HELQ: variants seen among roughly 807,000 people sequenced by gnomAD.
HELQ encodes helicase POLQ-like.
A neutral mutation model predicts 111.6 loss-of-function variants in HELQ; 77 were observed. The observed-to-expected ratio is 0.69, with a 90% confidence interval of 0.57 to 0.83. The LOEUF (loss-of-function observed/expected upper bound fraction) is 0.83, where lower values mean the gene tolerates loss of function less well. HELQ is among the 40% of genes least tolerant of loss of function. HELQ has a pLI of 0.00. For synonymous variants in HELQ, 438 were observed against 454.7 expected (o/e 0.96, Z 0.47); for missense variants, 1,200 against 1,288.5 (o/e 0.93, Z 1.05).
intron 3 of HELQ, 114 bp downstream of exon 3, chr4:83,448,669 C>CAAAAAA: frequency 1.5e-6 from 1 of 672,690 alleles, no homozygotes; most frequent in Non-Finnish European, 2.2e-6. Flanking sequence ...GACTCCATCT[C>CAAAAAA]AAAAAAAAAA....
Position 83,421,719 on chromosome 4 carries a change from A to C in HELQ, c.2793T>G (p.Val931=). Residue 931 remains valine, a synonymous_variant, in exon 15 of 18, where the codon GTT becomes GTG. Coordinates refer to ENST00000295488, the MANE Select transcript of HELQ (RefSeq NM_133636.5). ...CAAAAGACAGATATAGCCTGTTGACAACGTTCTTGTCCACCTTCTAGAAAG... is the reference window on the plus strand; with the variant it reads ...CAAAAGACAGATATAGCCTGTTGACCACGTTCTTGTCCACCTTCTAGAAAG... ...QAIGKKVDKN[V]VNRLYLSFVL... is the part of the protein sequence containing the mutation. 1.2e-6 allele frequency: 2 copies of C among 1,613,306 alleles called. No homozygotes were observed. The highest frequency in any genetic ancestry group is 1.7e-6 in the Non-Finnish European group (2 of 1,179,688).
intron 3 of HELQ, among the ~76,000 whole-genome samples, chr4:83,447,809 C>T (rs1341553268): frequency 2.0e-5 from 3 of 148,854 alleles, no homozygotes; most frequent in African/African-American, 7.5e-5. Context: ...TTGCAGTGAG[C>T]TGAGATCATG....
At chr4:83,454,580 AGAAAAAAAAATTTTTTTTTTTTTTT>A (rs1560563245) in intron 1 of HELQ, among the ~76,000 whole-genome samples, 2 of 149,744 alleles carry the variant, frequency 1.3e-5, no homozygotes, top group Non-Finnish European at 3.0e-5. Flanking sequence ...CGGCTAATTA[AGAAAAAAAAATTTTTTTTTTTTTTT>A]GTAGAGACTG....
At chr4:83,448,055 C>A (rs1378269801) in intron 3 of HELQ, among the ~76,000 whole-genome samples, 5 of 151,028 alleles carry the variant, frequency 3.3e-5, no homozygotes, top group Non-Finnish European at 7.4e-5. Flanking sequence ...ACTAAAAATA[C>A]AAAAATTAGC....
Position 83,446,082 on chromosome 4 carries a change from T to G in HELQ, c.1397A>C (p.His466Pro), listed in dbSNP as rs1721030106. ...SLGLVVVDELHMIGEGSRGAT... is the reference protein window; with the variant it reads ...SLGLVVVDELPMIGEGSRGAT... Reference sequence around the variant, plus strand: ...TCCACGGCTTCCTTCACCAATCATGTGCAACTTCGAGATTTTTTTTAAAAA... The same window carrying G: ...TCCACGGCTTCCTTCACCAATCATGGGCAACTTCGAGATTTTTTTTAAAAA... Residue 466 changes from histidine (H) to proline (P), a missense_variant, in exon 5 of 18, where the codon CAC becomes CCC. His to Pro is a moderately conservative substitution (Grantham distance 77, BLOSUM62 -2). This residue lies in a region of HELQ where 610 missense variants were observed against 607.1 expected (regional missense o/e 1.00). Coordinates refer to ENST00000295488, the MANE Select transcript of HELQ (RefSeq NM_133636.5). 2 of 1,612,436 alleles carry G rather than the reference T, an allele frequency of 1.2e-6. No homozygotes were observed. Among genetic ancestry groups the G allele is most frequent in the Non-Finnish European group, 1.7e-6 (2 of 1,178,752 alleles).
intron 12 of HELQ, 110 bp from the exon 13 acceptor site, chr4:83,427,830 C>T: frequency 1.5e-6 from 1 of 667,010 alleles, no homozygotes; most frequent in Non-Finnish European, 2.3e-6. Context: ...TCTTCAAAAT[C>T]TCTTATAACA....
At chr4:83,444,780 G>C (rs976162573) in intron 5 of HELQ, among the ~76,000 whole-genome samples, 2 of 152,106 alleles carry the variant, frequency 1.3e-5, no homozygotes, top group Non-Finnish European at 2.9e-5. Context: ...GTGGGCATGG[G>C]GTCAAATCAA....
At position 83,429,566 on chromosome 4, in the gene HELQ, ATTG is replaced by A. The variant is rs1297770748; in HGVS notation, c.2473_2475del (p.Gln825del). On this transcript the variant is annotated inframe_deletion, in exon 12 of 18. Transcript: ENST00000295488. ...CCCAACTTTGTAATATGAAAATTATATTGGACCTCTTCTTCAGACTTATAAATA... is the reference window on the plus strand; with the variant it reads ...CCCAACTTTGTAATATGAAAATTATAGACCTCTTCTTCAGACTTATAAATA... The A allele has an allele frequency of 2.8e-5, 45 of 1,611,778 alleles. No homozygotes were observed. Among genetic ancestry groups the A allele is most frequent in the Middle Eastern group, 1.8e-4 (1 of 5,410 alleles).
In HELQ at chr4:83,448,912, A is replaced by G. The variant is rs1721199712; in HGVS notation, c.1062T>C (p.Asn354=). 1 of 1,612,096 alleles carries G rather than the reference A, an allele frequency of 6.2e-7. No homozygotes were observed. The highest frequency in any genetic ancestry group is 8.5e-7 in the Non-Finnish European group (1 of 1,178,634). The part of the protein sequence containing the change: ...LTLNSVQERK[N]LIYSLPTSGG... ...CACTTGTTGGCAAGGAATATATTAA[A>G]TTTTTTCTTTCTTGCACAGAATTCA... The change falls in exon 3 of 18, where the codon AAT becomes AAC. Residue 354 remains asparagine (N), a synonymous_variant. Coordinates refer to ENST00000295488, the MANE Select transcript of HELQ (RefSeq NM_133636.5).
intron 14 of HELQ, among the ~76,000 whole-genome samples, chr4:83,424,529 A>G (rs1444968607): frequency 6.6e-6 from 1 of 152,132 alleles, no homozygotes; most frequent in Non-Finnish European, 1.5e-5. Context: ...CTGAGAAGCT[A>G]GGAGTACAGG....
chr4:83,426,171 C>T, intron 13 of HELQ, 79 bp from the exon 14 acceptor site: 1 of 739,454 alleles, frequency 1.4e-6, no homozygotes, highest in Non-Finnish European at 2.4e-6. Context: ...CTTTTGATAT[C>T]ACATTCTCAT....
intron 1 of HELQ, among the ~76,000 whole-genome samples, chr4:83,454,830 CCAGACTACAAT>C (rs1360895481): frequency 2.0e-5 from 3 of 152,108 alleles, no homozygotes; most frequent in African/African-American, 7.2e-5. Flanking sequence ...CGCTTCCCTC[CCAGACTACAAT>C]CTACAGTGAC....
chr4:83,429,563 T>C lies in HELQ; in HGVS notation c.2479A>G (p.Asn827Asp). ...IYKSEEEVQY[N>D]FHITKLGRAS... ...CGTCCCAACTTTGTAATATGAAAAT[T>C]ATATTGGACCTCTTCTTCAGACTTA... The change falls in exon 12 of 18, where the codon AAT becomes GAT. Residue 827 changes from asparagine to aspartate, a missense_variant. Asn to Asp is a conservative substitution (Grantham distance 23, BLOSUM62 1). Transcript: ENST00000295488. 6.2e-7 allele frequency: 1 copy of C among 1,611,368 alleles called. No individual in the cohort carries two copies. Among genetic ancestry groups the C allele is most frequent in the Non-Finnish European group, 8.5e-7 (1 of 1,178,720 alleles).
chr4:83,416,935 T>C (rs1255551711), intron 16 of HELQ, 70 bp from the exon 17 acceptor site: 1 of 1,393,548 alleles, frequency 7.2e-7, no homozygotes, highest in African/African-American at 1.5e-5. Context: ...AGCACTTTAC[T>C]GAAAAGAACA....
chr4:83,429,391 C>A (rs898937889), intron 12 of HELQ, 133 bp downstream of exon 12: 8 of 650,020 alleles, frequency 1.2e-5, no homozygotes, highest in Non-Finnish European at 2.1e-5. Flanking sequence ...TCAAGTGATC[C>A]GCTCCCCTTG....
chr4:83,445,359 C>A (rs1720996497), intron 5 of HELQ, among the ~76,000 whole-genome samples: 1 of 152,148 alleles, frequency 6.6e-6, no homozygotes. Flanking sequence ...TTATAAAATG[C>A]TATAACCTGC....
chr4:83,444,166 T>A (rs758286685), intron 5 of HELQ, among the ~76,000 whole-genome samples: 4 of 152,224 alleles, frequency 2.6e-5, no homozygotes, highest in Non-Finnish European at 4.4e-5. Flanking sequence ...TGGCAAGAAC[T>A]AGGATATTAA....
In HELQ at chr4:83,450,773, C is replaced by G. The variant is rs6857598; in HGVS notation, c.1013-1812G>C. On this transcript the variant is annotated intron_variant, in intron 2 of 17. Coordinates refer to ENST00000295488, the MANE Select transcript of HELQ (RefSeq NM_133636.5). The stretch of plus-strand genomic sequence containing the variant: ...TTAAGCCCAGGAGTTCAGGACCAGC[C>G]TAGGCAACAAAATGAGACCCTATCT... Among the ~76,000 whole-genome samples, 673 of 151,846 alleles carry G rather than the reference C, an allele frequency of 4.4e-3. 5 individuals carry two copies. Among genetic ancestry groups the G allele is most frequent in the African/African-American group, 0.016 (654 of 41,376 alleles).
intron 17 of HELQ, among the ~76,000 whole-genome samples, chr4:83,411,902 C>G (rs879370601): frequency 2.0e-5 from 3 of 152,160 alleles, no homozygotes; most frequent in Non-Finnish European, 2.9e-5. Flanking sequence ...TCTGGTCTCT[C>G]AAAGTGCTGG....
Sources: gnomAD v4.1 joint callset for allele counts (sites outside exome capture counted in the v4.1 genomes callset) on GRCh38, gnomAD v4.1.1 for gene constraint, gnomAD v4.1.1 regional missense constraint, MANE v1.5 for transcripts, NCBI Gene and HGNC (gene_info 2026-07-23, HGNC 2026-07-21) for gene names.